SLC2A5: variants seen among roughly 807,000 people sequenced by gnomAD.
SLC2A5 encodes solute carrier family 2, facilitated glucose transporter member 5.
A neutral mutation model predicts 50.3 loss-of-function variants in SLC2A5; 56 were observed. The ratio of observed to expected loss-of-function variants is 1.11; its 90% CI spans 0.90 to 1.39. The LOEUF (loss-of-function observed/expected upper bound fraction) is 1.39, where lower values mean the gene tolerates loss of function less well. Among genes scored for constraint, SLC2A5 ranks in the 40% most tolerant of loss-of-function variants. The pLI is 0.00. For missense variants in SLC2A5, 566 were observed against 650.1 expected, an observed-to-expected ratio of 0.87 and a Z score of 1.41; for synonymous variants, 269 against 281.9, an observed-to-expected ratio of 0.95 and a Z score of 0.46.
intron 2 of SLC2A5, among the ~76,000 whole-genome samples, chr1:9,076,242 C>A (rs1025194801): frequency 1.3e-5 from 2 of 152,164 alleles, no homozygotes; most frequent in African/African-American, 4.8e-5. Context: ...AGGCGTGAGC[C>A]ACTGCACCTG....
intron 2 of SLC2A5, among the ~76,000 whole-genome samples, chr1:9,080,345 A>G (rs115555173): frequency 0.012 from 1,827 of 152,310 alleles, 42 homozygotes; most frequent in African/African-American, 0.041. Context: ...GGATCACTGG[A>G]TCACATGATA....
At chr1:9,042,366 G>C (rs1641324696) in intron 4 of SLC2A5, among the ~76,000 whole-genome samples, 1 of 152,120 alleles carries the variant, frequency 6.6e-6, no homozygotes, top group African/African-American at 2.4e-5. Context: ...TTTGAGACCA[G>C]CCTGGGCAAC....
intron 4 of SLC2A5, among the ~76,000 whole-genome samples, chr1:9,042,607 G>A (rs1641333032): frequency 6.7e-6 from 1 of 149,684 alleles, no homozygotes; most frequent in African/African-American, 2.5e-5. Flanking sequence ...GTGTGTGTGT[G>A]TGTGTATGTG....
Position 9,040,382 on chromosome 1 carries a change from C to T in SLC2A5, c.572-193G>A, listed in dbSNP as rs552739310. On this transcript the variant is annotated intron_variant, in intron 5 of 11. Transcript: ENST00000377424. This position sits in a 1 kb window ranked among gnomAD's most constrained non-coding sequence, Gnocchi z 4.3. ...CACCTGCAGCAGGGATCAGCAGCGA[C>T]GCACCCCTGCGCCCATCAGACAGAC... The T allele has an allele frequency of 6.3e-6, 4 of 639,728 alleles. No homozygotes were observed. The highest frequency in any genetic ancestry group is 1.8e-5 in the African/African-American group (1 of 54,068). The allele number at this position is 639,728 out of a possible 1,614,324, so 39.6% of individuals were successfully genotyped here.
At position 9,040,150 on chromosome 1, in the gene SLC2A5, G is replaced by A. The variant is rs202060523; in HGVS notation, c.611C>T (p.Ala204Val). The A allele has an allele frequency of 8.7e-4, 1,373 of 1,570,008 alleles. No individual in the cohort carries two copies. Among genetic ancestry groups the A allele is most frequent in the Non-Finnish European group, 1.1e-3 (1,265 of 1,158,492 alleles). The change falls in exon 6 of 12, where the codon GCG (alanine) becomes GTG (valine). Residue 204 changes from alanine to valine, a missense_variant. By Grantham distance (64) the Ala-to-Val change is moderately conservative. Transcript: ENST00000377424. This position sits in a 1 kb window ranked among gnomAD's most constrained non-coding sequence, Gnocchi z 4.3. ...GAAGGGCAGCAGAAGGAGCTGCAGCGCCGCGGGGACCCCGGTCAGCCCCAG... is the reference window on the plus strand; with the variant it reads ...GAAGGGCAGCAGAAGGAGCTGCAGCACCGCGGGGACCCCGGTCAGCCCCAG... ...ILLGLTGVPA[A>V]LQLLLLPFFP...
At chr1:9,094,106 TCTAA>T in the SLC2A5 span, among the ~76,000 whole-genome samples, 5 of 152,186 alleles carry the variant, frequency 3.3e-5, no homozygotes, top group Non-Finnish European at 5.9e-5. Flanking sequence ...GTTCTTAACT[TCTAA>T]CTAATGCAGC....
chr1:9,080,443 G>C (rs547299262), intron 2 of SLC2A5, among the ~76,000 whole-genome samples: 15 of 152,284 alleles, frequency 9.9e-5, no homozygotes, highest in African/African-American at 3.4e-4. Context: ...GTATATAAGA[G>C]TTTCAATTTC....
At chr1:9,038,359 A>G in intron 10 of SLC2A5, 72 bp downstream of exon 10, 2 of 1,125,732 alleles carry the variant, frequency 1.8e-6, no homozygotes, top group Non-Finnish European at 1.4e-6. Flanking sequence ...TGGTATCTCT[A>G]AGGAGCTCCA....
Position 9,035,369 on chromosome 1 carries a change from C to T in SLC2A5, c.*2217G>A, listed in dbSNP as rs1348827257. 1.3e-5 allele frequency: 2 copies of T among 152,274 alleles called. No individual in the cohort carries two copies. The highest frequency in any genetic ancestry group is 2.9e-5 in the Non-Finnish European group (2 of 68,092). The allele number at this position is 152,274 out of a possible 1,614,324, so 9.4% of individuals were successfully genotyped here. On this transcript the variant is annotated 3_prime_UTR_variant, in exon 12 of 12. Transcript: ENST00000377424. Reference sequence around the variant, plus strand: ...TGAGAGCCTTCATCTTTGGTTGTTTCTGTGCCCCTTCCAGGCTGCAGATCC... The same window carrying T: ...TGAGAGCCTTCATCTTTGGTTGTTTTTGTGCCCCTTCCAGGCTGCAGATCC...
intron 10 of SLC2A5, 106 bp from the exon 11 acceptor site, chr1:9,038,130 C>G (rs1641185336): frequency 7.4e-7 from 1 of 1,353,450 alleles, no homozygotes; most frequent in Admixed American, 2.3e-5. Flanking sequence ...AGAGGCGTCT[C>G]CAGGACTCTT....
upstream of SLC2A5, among the ~76,000 whole-genome samples, chr1:9,070,072 G>GTTTTT (rs56828280): frequency 1.8e-4 from 11 of 62,514 alleles, no homozygotes; most frequent in Non-Finnish European, 2.5e-4. Context: ...CTCATTTTCT[G>GTTTTT]TTTTTTTTTT....
upstream of SLC2A5, among the ~76,000 whole-genome samples, chr1:9,089,926 G>C (rs190238565): frequency 1.2e-3 from 178 of 152,254 alleles, no homozygotes; most frequent in African/African-American, 4.0e-3. Context: ...GGGTAATTTG[G>C]ACAGTATCCA....
In SLC2A5 at chr1:9,036,960, G is replaced by A. The variant is rs1043290042; in HGVS notation, c.*626C>T. On this transcript the variant is annotated 3_prime_UTR_variant, in exon 12 of 12. Transcript: ENST00000377424. Reference sequence around the variant, plus strand: ...AGCACGTCTTGTTGAAAAGTGATCAGGTTCATTTTATTGACTACACAGAAG... The same window carrying A: ...AGCACGTCTTGTTGAAAAGTGATCAAGTTCATTTTATTGACTACACAGAAG... 4 of 152,234 alleles carry A rather than the reference G, an allele frequency of 2.6e-5. No homozygotes were observed. In the East Asian group the frequency reaches 7.7e-4, roughly 29 times the overall value. 9.4% of individuals were successfully genotyped at this position (152,234 alleles called of 1,614,324 possible).
intron 1 of SLC2A5, among the ~76,000 whole-genome samples, chr1:9,059,305 G>C (rs1004994555): frequency 6.6e-5 from 10 of 151,600 alleles, no homozygotes; most frequent in Non-Finnish European, 1.2e-4. Flanking sequence ...ACCACGCCTG[G>C]CTAATTTTTT....
At chr1:9,074,529 A>G (rs1642259413), upstream of SLC2A5, among the ~76,000 whole-genome samples, 1 of 152,188 alleles carries the variant, frequency 6.6e-6, no homozygotes, top group Non-Finnish European at 1.5e-5. Flanking sequence ...CAGAGTAGCT[A>G]CTTGTGGGGA....
At chr1:9,078,577 A>T (rs1307247970) in intron 2 of SLC2A5, among the ~76,000 whole-genome samples, 1 of 152,236 alleles carries the variant, frequency 6.6e-6, no homozygotes, top group African/African-American at 2.4e-5. Context: ...AACCACTTGT[A>T]TCCCCAAAAA....
intron 3 of SLC2A5, 99 bp from the exon 4 acceptor site, chr1:9,047,833 A>G (rs1641475396): frequency 7.7e-7 from 1 of 1,305,676 alleles, no homozygotes; most frequent in East Asian, 2.5e-5. Context: ...TCCAGCAGTT[A>G]CAGCAGCTTT....
chr1:9,078,615 G>C (rs1485932836), intron 2 of SLC2A5, among the ~76,000 whole-genome samples: 2 of 152,166 alleles, frequency 1.3e-5, no homozygotes, highest in African/African-American at 2.4e-5. Flanking sequence ...ATTTAAAGAA[G>C]AGACAGTTCT....
chr1:9,085,119 T>A (rs1221440977), exon 2 of SLC2A5: 10 of 152,390 alleles, frequency 6.6e-5, no homozygotes, highest in African/African-American at 1.9e-4. Context: ...ACGCGTCTGC[T>A]TTTCCTCCTG....
Sources: allele counts gnomAD v4.1 joint callset (sites outside exome capture counted in the v4.1 genomes callset), GRCh38; gene constraint gnomAD v4.1.1; non-coding constraint Gnocchi (gnomAD v3.1); transcripts MANE v1.5; gene names NCBI Gene and HGNC (gene_info 2026-07-23, HGNC 2026-07-21).